RP1L1: variants seen among roughly 807,000 people sequenced by gnomAD.
RP1L1 encodes the protein RP1 like 1.
In RP1L1, 27 loss-of-function variants were observed where a neutral mutation model predicts 15.7. The observed-to-expected ratio is 1.72, with a 90% CI of 1.27 to 2.38. The LOEUF (loss-of-function observed/expected upper bound fraction) is 2.38, where lower values mean the gene tolerates loss of function less well. RP1L1 is among the 30% of genes most tolerant of loss of function. The probability of loss-of-function intolerance (pLI) is 0.00; values close to 1 mark genes in which losing one functional copy is unlikely to be tolerated. For synonymous variants in RP1L1, 1,813 were observed against 1,276.7 expected, an observed-to-expected ratio of 1.42 and a Z score of -8.96; for missense variants, 4,798 against 3,075.9, an observed-to-expected ratio of 1.56 and a Z score of -13.24.
chr8:10,612,577 T>C lies in RP1L1; in HGVS notation c.1521A>G (p.Ile507Met). ...CTGGGCCGCCCAGCCCTGCTCCATC[T>C]ATGCATAGGCCGGGGTCCTCACCCA... is the stretch of plus-strand genomic sequence containing the variant. ...GSLGEDPGLC[I>M]DGAGLGGPEQ... Residue 507 changes from isoleucine to methionine, a missense_variant, in exon 4 of 4, where the codon ATA (isoleucine) becomes ATG (methionine). By Grantham distance (10) the Ile-to-Met change is conservative. Coordinates refer to ENST00000382483, the MANE Select transcript of RP1L1 (RefSeq NM_178857.6). The C allele has an allele frequency of 6.2e-7, 1 of 1,606,014 alleles. No individual in the cohort carries two copies. The highest frequency in any genetic ancestry group is 2.2e-5 in the East Asian group (1 of 44,868).
chr8:10,616,316 A>G, intron 3 of RP1L1, 130 bp downstream of exon 3: 4 of 1,233,596 alleles, frequency 3.2e-6, no homozygotes, highest in Middle Eastern at 1.9e-4. Flanking sequence ...AGAGATCCCA[A>G]AATGACTGGG....
chr8:10,636,158 C>A (rs1460344164), intron 1 of RP1L1, among the ~76,000 whole-genome samples: 1 of 152,236 alleles, frequency 6.6e-6, no homozygotes, highest in Non-Finnish European at 1.5e-5. Flanking sequence ...CAGTTGGACT[C>A]CACAATGCTT....
rs946898159 is a variant in RP1L1, at chr8:10,642,775, T to A, written c.-20+12123A>T. 2.0e-5 allele frequency among the ~76,000 whole-genome samples: 3 copies of A among 152,148 alleles called. No individual in the cohort carries two copies. In the East Asian group the frequency reaches 5.8e-4, roughly 29 times the overall value. On this transcript the variant is annotated intron_variant, in intron 1 of 3. Transcript: ENST00000382483. ...GTTGTGGTTAAGGGTAATAAGTAAG[T>A]CTGCACAATCAAAAGAGCAGAGAAT...
chr8:10,630,405 T>G (rs1798223484), intron 1 of RP1L1, among the ~76,000 whole-genome samples: 1 of 152,170 alleles, frequency 6.6e-6, no homozygotes, highest in African/African-American at 2.4e-5. Context: ...CGCAGAGAGC[T>G]GGGAGGAAGG....
At position 10,610,562 on chromosome 8, in the gene RP1L1, T is replaced by C; in HGVS notation, c.3536A>G (p.Gln1179Arg). 3 of 1,613,686 alleles carry C rather than the reference T, an allele frequency of 1.9e-6. No homozygotes were observed. Among genetic ancestry groups the C allele is most frequent in the Non-Finnish European group, 2.5e-6 (3 of 1,180,034 alleles). ...DSGLWELTWSQALPDLGSHAM... is the reference protein window; with the variant it reads ...DSGLWELTWSRALPDLGSHAM... ...ATGGGACCCAAGGTCTGGCAGAGCC[T>C]GGCTCCATGTGAGCTCCCAGAGGCC... Residue 1179 changes from glutamine to arginine, a missense_variant, in exon 4 of 4, where the codon CAG becomes CGG. Physicochemically the swap from Gln to Arg is conservative, Grantham distance 43. Coordinates refer to ENST00000382483, the MANE Select transcript of RP1L1 (RefSeq NM_178857.6).
At chr8:10,613,456 C>G (rs1031620892) in intron 3 of RP1L1, 110 bp from the exon 4 acceptor site, 14 of 1,452,402 alleles carry the variant, frequency 9.6e-6, no homozygotes, top group Non-Finnish European at 1.2e-5. Flanking sequence ...CTCAGCATCA[C>G]CACTGCCTCC....
At position 10,612,694 on chromosome 8, in the gene RP1L1, C is replaced by T; in HGVS notation, c.1404G>A (p.Glu468=). ...STGLPEGSEP[E]SSCCPRTPED... Reference sequence around the variant, plus strand: ...CCGGGGTCCTGGGGCAGCAGGAGGACTCTGGCTCCGAGCCCTCGGGGAGGC... The same window carrying T: ...CCGGGGTCCTGGGGCAGCAGGAGGATTCTGGCTCCGAGCCCTCGGGGAGGC... The change falls in exon 4 of 4, where the codon GAG becomes GAA. Residue 468 remains glutamate (E), a synonymous_variant. Coordinates refer to ENST00000382483, the MANE Select transcript of RP1L1 (RefSeq NM_178857.6). 6.2e-7 allele frequency: 1 copy of T among 1,603,732 alleles called. No homozygotes were observed. The highest frequency in any genetic ancestry group is 8.5e-7 in the Non-Finnish European group (1 of 1,178,474).
intron 1 of RP1L1, among the ~76,000 whole-genome samples, chr8:10,633,206 A>T (rs1420435683): frequency 6.6e-6 from 1 of 152,198 alleles, no homozygotes; most frequent in Non-Finnish European, 1.5e-5. Context: ...GCCGTGAGCC[A>T]GGAATGCTGG....
intron 1 of RP1L1, among the ~76,000 whole-genome samples, chr8:10,646,735 C>A (rs1214400611): frequency 1.3e-5 from 2 of 152,198 alleles, no homozygotes; most frequent in Non-Finnish European, 2.9e-5. Flanking sequence ...CCAGCTCAAC[C>A]ACCTACTAGC....
At chr8:10,648,783 G>C (rs1798517540) in intron 1 of RP1L1, among the ~76,000 whole-genome samples, 1 of 152,222 alleles carries the variant, frequency 6.6e-6, no homozygotes, top group Non-Finnish European at 1.5e-5. Context: ...GAAATCTCTT[G>C]GATTGACAGA....
chr8:10,629,262 C>G (rs1798204750), intron 1 of RP1L1, among the ~76,000 whole-genome samples: 1 of 145,830 alleles, frequency 6.9e-6, no homozygotes, highest in South Asian at 2.3e-4. Context: ...TGCCAAGGGT[C>G]TGGAAAGTGC....
At chr8:10,615,470 C>T (rs1201553588) in intron 3 of RP1L1, among the ~76,000 whole-genome samples, 1 of 152,176 alleles carries the variant, frequency 6.6e-6, no homozygotes, top group Non-Finnish European at 1.5e-5. Context: ...CTGAGACCAT[C>T]GTGACCCTGA....
At chr8:10,614,270 G>C (rs61438361) in intron 3 of RP1L1, among the ~76,000 whole-genome samples, 4 of 152,164 alleles carry the variant, frequency 2.6e-5, no homozygotes, top group African/African-American at 7.2e-5. Flanking sequence ...TGCAGGGAAG[G>C]ACCTGGGCGA....
chr8:10,629,246 G>C (rs1270551892), intron 1 of RP1L1, among the ~76,000 whole-genome samples: 1 of 152,180 alleles, frequency 6.6e-6, no homozygotes, highest in South Asian at 2.1e-4. Context: ...TGGTGCTGGA[G>C]GTAGCTGCCA....
At chr8:10,617,554 T>TTTC (rs1797989498) in intron 2 of RP1L1, among the ~76,000 whole-genome samples, 15 of 115,780 alleles carry the variant, frequency 1.3e-4, no homozygotes, top group African/African-American at 4.9e-4. Context: ...TTCTTTTTTT[T>TTTC]TTTTTTTTTT....
rs370038678 is a variant in RP1L1 at position 10,607,690 on chromosome 8, C to A, written c.6408G>T (p.Glu2136Asp). ...ACTCAGGCTGGGCCTCCCCTTCAGC[C>A]TCTGGGGCCTCTATACCTTCTGACT... ...QPESEGIEAP[E>D]AEGEAQPESE... Residue 2136 changes from glutamate to aspartate, a missense_variant, in exon 4 of 4, where the codon GAG (glutamate) becomes GAT (aspartate). Physicochemically the swap from Glu to Asp is conservative, Grantham distance 45. Coordinates refer to ENST00000382483, the MANE Select transcript of RP1L1 (RefSeq NM_178857.6). The A allele has an allele frequency of 2.5e-6, 4 of 1,600,340 alleles. No individual in the cohort carries two copies. Among genetic ancestry groups the A allele is most frequent in the Non-Finnish European group, 3.4e-6 (4 of 1,172,244 alleles).
chr8:10,618,895 C>T (rs943170352), intron 2 of RP1L1, among the ~76,000 whole-genome samples: 2 of 151,922 alleles, frequency 1.3e-5, no homozygotes, highest in Non-Finnish European at 2.9e-5. Flanking sequence ...GAGATGGAGT[C>T]CTGCTGTGTC....
chr8:10,626,681 G>A (rs947745313), intron 1 of RP1L1, among the ~76,000 whole-genome samples: 3 of 152,210 alleles, frequency 2.0e-5, no homozygotes, highest in African/African-American at 4.8e-5. Context: ...GCCATTCATT[G>A]CAAAGATGCA....
At chr8:10,649,502 C>T (rs531967325) in intron 1 of RP1L1, among the ~76,000 whole-genome samples, 1 of 152,336 alleles carries the variant, frequency 6.6e-6, no homozygotes, top group African/African-American at 2.4e-5. Flanking sequence ...CCAGCCAGGA[C>T]AGGAGGCTGC....
Sources: gnomAD v4.1 joint callset for allele counts (sites outside exome capture counted in the v4.1 genomes callset) on GRCh38, gnomAD v4.1.1 for gene constraint, MANE v1.5 for transcripts, NCBI Gene and HGNC (gene_info 2026-07-23, HGNC 2026-07-21) for gene names.